The following SEPSECS variants were observed in gnomAD, a reference collection of about 807,000 sequenced individuals.
SEPSECS encodes O-phosphoseryl-tRNA(Sec) selenium transferase.
In SEPSECS, 42 loss-of-function variants were observed where a neutral mutation model predicts 52.1. That is an observed-to-expected ratio of 0.81 (90% CI 0.63 to 1.04). The LOEUF is 1.04. Among genes scored for constraint, SEPSECS ranks in the 50% least tolerant of loss-of-function variants. SEPSECS has a pLI of 0.00. For synonymous variants in SEPSECS, 216 were observed against 211.4 expected, an observed-to-expected ratio of 1.02 and a Z score of -0.19; for missense variants, 590 against 610.6, an observed-to-expected ratio of 0.97 and a Z score of 0.36.
At chr4:25,149,319 G>A (rs1712171567) in intron 6 of SEPSECS, among the ~76,000 whole-genome samples, 1 of 152,042 alleles carries the variant, frequency 6.6e-6, no homozygotes, top group Non-Finnish European at 1.5e-5. Flanking sequence ...ACAAGCTTCA[G>A]CCTTCCAAAG....
At chr4:25,124,299 T>C (rs1728270300) in intron 10 of SEPSECS, 74 bp from the exon 11 acceptor site, 9 of 1,421,610 alleles carry the variant, frequency 6.3e-6, no homozygotes, top group East Asian at 4.8e-5. Flanking sequence ...ACAAAAGATA[T>C]GTGTTACAAA....
chr4:25,127,265 T>G lies in SEPSECS; in HGVS notation c.1119A>C (p.Leu373Phe). ...LLHTPHNPISLAMTLKTLDEH... is the reference protein window; with the variant it reads ...LLHTPHNPISFAMTLKTLDEH... ...TTTCTTTAGGAAAAAAGAAATTACC[T>G]AAAGATATGGGATTGTGAGGTGTAT... Residue 373 changes from leucine (L) to phenylalanine (F), a missense_variant and splice_region_variant, in exon 9 of 11, where the codon TTA becomes TTC. Physicochemically the swap from Leu to Phe is conservative, Grantham distance 22 (BLOSUM62 0). Coordinates refer to ENST00000382103, the MANE Select transcript of SEPSECS (RefSeq NM_016955.4). 2 of 1,603,656 alleles carry G rather than the reference T, an allele frequency of 1.2e-6. No homozygotes were observed. Among genetic ancestry groups the G allele is most frequent in the Non-Finnish European group, 1.7e-6 (2 of 1,171,100 alleles).
Position 25,125,548 on chromosome 4 carries a change from T to C in SEPSECS, c.1211+146A>G. On this transcript the variant is annotated intron_variant, in intron 10 of 10. Transcript: ENST00000382103. ...GGTGGGCATACAGTAGCCTTACAGATTCTCTAACTCATCATTCTTTACTCC... is the reference window on the plus strand; with the variant it reads ...GGTGGGCATACAGTAGCCTTACAGACTCTCTAACTCATCATTCTTTACTCC... 4 of 688,232 alleles carry C rather than the reference T, an allele frequency of 5.8e-6. No individual in the cohort carries two copies. In the South Asian group the frequency reaches 6.3e-5, roughly 11 times the overall value. 42.6% of individuals were successfully genotyped at this position (688,232 alleles called of 1,614,324 possible).
chr4:25,139,959 T>C (rs150209756), intron 8 of SEPSECS, among the ~76,000 whole-genome samples: 1,996 of 152,342 alleles, frequency 0.013, 25 homozygotes, highest in Middle Eastern at 0.034. Flanking sequence ...CATGGCTGGA[T>C]AGAGTCTCAA....
At position 25,159,799 on chromosome 4, in the gene SEPSECS, A is replaced by G. The variant is rs1179241254; in HGVS notation, c.114+457T>C. ...AAAAACAAAACACAACAAAACTTTT[A>G]ATGAAATTAAAATACATGAACGCTG... On this transcript the variant is annotated intron_variant, in intron 1 of 10. Coordinates refer to ENST00000382103, the MANE Select transcript of SEPSECS (RefSeq NM_016955.4). 4.6e-6 allele frequency: 5 copies of G among 1,097,340 alleles called. No homozygotes were observed. In the African/African-American group the frequency reaches 6.8e-5, roughly 15 times the overall value. 68.0% of individuals were successfully genotyped at this position (1,097,340 alleles called of 1,614,324 possible). A position where few individuals can be genotyped will look rare whatever the true frequency, so the allele number is the denominator to read the frequency against.
chr4:25,159,708 GCTGCAGTGAGCCGAGATCGTCACA>G, intron 1 of SEPSECS: 4 of 677,846 alleles, frequency 5.9e-6, no homozygotes. Flanking sequence ...GGAGGCGGAG[GCTGCAGTGAGCCGAGATCGTCACA>G]CTGCATTCCA....
At chr4:25,149,312 A>G (rs1238754562) in intron 6 of SEPSECS, among the ~76,000 whole-genome samples, 1 of 152,012 alleles carries the variant, frequency 6.6e-6, no homozygotes, top group Admixed American at 6.6e-5. Context: ...GTGATCCACA[A>G]GCTTCAGCCT....
At chr4:25,127,016 AT>A (rs1728401257) in intron 9 of SEPSECS, among the ~76,000 whole-genome samples, 1 of 152,108 alleles carries the variant, frequency 6.6e-6, no homozygotes. Context: ...TTTAAGTATT[AT>A]TTTCTGCATT....
In SEPSECS at chr4:25,160,294, G is replaced by C. The variant is rs551022799; in HGVS notation, c.76C>G (p.Arg26Gly). ...AYVRQGCEAR[R>G]SHEHLIRLLL... ...AGCCGTATGAGGTGCTCATGCGAGC[G>C]GCGGGCCTCACAGCCCTGCCGCACG... The change falls in exon 1 of 11, where the codon CGC becomes GGC. Residue 26 changes from arginine to glycine, a missense_variant. Physicochemically the swap from Arg to Gly is moderately radical, Grantham distance 125. Coordinates refer to ENST00000382103, the MANE Select transcript of SEPSECS (RefSeq NM_016955.4). 2 of 1,552,158 alleles carry C rather than the reference G, an allele frequency of 1.3e-6. No homozygotes were observed. The highest frequency in any genetic ancestry group is 2.4e-5 in the East Asian group (1 of 41,072).
chr4:25,157,607 C>A (rs867452998), intron 2 of SEPSECS, among the ~76,000 whole-genome samples: 1 of 150,452 alleles, frequency 6.6e-6, no homozygotes, highest in Non-Finnish European at 1.5e-5. Context: ...TGCAGTGGCG[C>A]GATCTCGGCT....
intron 4 of SEPSECS, among the ~76,000 whole-genome samples, chr4:25,155,715 T>C (rs1712582880): frequency 6.6e-6 from 1 of 152,196 alleles, no homozygotes; most frequent in South Asian, 2.1e-4. Flanking sequence ...AAGCCTCCTA[T>C]GAAAACAAAA....
At chr4:25,151,858 A>T in intron 6 of SEPSECS, 102 bp downstream of exon 6, 1 of 735,056 alleles carries the variant, frequency 1.4e-6, no homozygotes, top group Middle Eastern at 2.5e-4. Context: ...GATGGTCATA[A>T]ATAACTGTTT....
chr4:25,149,969 A>G (rs1312738878), intron 6 of SEPSECS, among the ~76,000 whole-genome samples: 1 of 152,246 alleles, frequency 6.6e-6, no homozygotes, highest in Non-Finnish European at 1.5e-5. Context: ...GACTTGCTAC[A>G]TAAATTAATC....
chr4:25,127,219 A>T, intron 9 of SEPSECS, 45 bp downstream of exon 9: 1 of 1,207,448 alleles, frequency 8.3e-7, no homozygotes, highest in Non-Finnish European at 1.2e-6. Context: ...TTCCTCCTAG[A>T]GTGGATCATA....
intron 9 of SEPSECS, among the ~76,000 whole-genome samples, 168 bp downstream of exon 9, chr4:25,127,096 A>T (rs1391892105): frequency 1.3e-5 from 2 of 152,252 alleles, no homozygotes; most frequent in Admixed American, 1.3e-4. Flanking sequence ...AATACATTAG[A>T]GCATTTCAAA....
intron 2 of SEPSECS, among the ~76,000 whole-genome samples, chr4:25,157,798 G>C (rs986330283): frequency 6.6e-6 from 1 of 151,976 alleles, no homozygotes; most frequent in Non-Finnish European, 1.5e-5. Context: ...GCCCGCCTTG[G>C]CCTCCCAAAG....
At chr4:25,124,289 A>G in intron 10 of SEPSECS, 64 bp from the exon 11 acceptor site, 1 of 1,476,976 alleles carries the variant, frequency 6.8e-7, no homozygotes, top group Middle Eastern at 1.7e-4. Flanking sequence ...TCACCCATAA[A>G]CAAAAGATAT....
At chr4:25,159,751 G>A (rs1244692683) in intron 1 of SEPSECS, 1 of 1,012,818 alleles carries the variant, frequency 9.9e-7, no homozygotes. Context: ...CAGCCTGGGC[G>A]AAAGAGCGAG....
chr4:25,122,405 A>G lies in SEPSECS; in HGVS notation c.*1526T>C, dbSNP rs902781054. ...TTACAATTCCAAATCAATAAGAAAA[A>G]TGCAGCCCAGAAGGCAACACAGCAT... On this transcript the variant is annotated 3_prime_UTR_variant, in exon 11 of 11. Coordinates refer to ENST00000382103, the MANE Select transcript of SEPSECS (RefSeq NM_016955.4). 6.6e-6 allele frequency: 1 copy of G among 152,196 alleles called. No homozygotes were observed. The highest frequency in any genetic ancestry group is 2.4e-5 in the African/African-American group (1 of 41,458). The allele number at this position is 152,196 out of a possible 1,614,324, so 9.4% of individuals were successfully genotyped here. A position where few individuals can be genotyped will look rare whatever the true frequency, so the allele number is the denominator to read the frequency against.
Sources: allele counts gnomAD v4.1 joint callset (sites outside exome capture counted in the v4.1 genomes callset), GRCh38; gene constraint gnomAD v4.1.1; transcripts MANE v1.5; gene names NCBI Gene and HGNC (gene_info 2026-07-23, HGNC 2026-07-21).